The following ADAMTSL1 variants were observed in gnomAD, a reference collection of about 807,000 sequenced individuals.
ADAMTSL1 encodes the protein ADAMTS like 1.
Under a neutral mutation model 201.8 loss-of-function variants are expected in ADAMTSL1, and 126 were observed. The ratio of observed to expected loss-of-function variants is 0.62; its 90% CI spans 0.54 to 0.72. The LOEUF is 0.72. Ranked by LOEUF, ADAMTSL1 falls within the 30% of genes least tolerant of loss-of-function variation. ADAMTSL1 has a pLI of 0.00. For synonymous variants in ADAMTSL1, 1,121 were observed against 903.4 expected (o/e 1.24, Z -4.32); for missense variants, 2,679 against 2,277.8 (o/e 1.18, Z -3.59).
chr9:18,508,513 T>C (rs1290157935), intron 2 of ADAMTSL1, among the ~76,000 whole-genome samples: 1 of 152,230 alleles, frequency 6.6e-6, no homozygotes, highest in East Asian at 1.9e-4. Flanking sequence ...ATCTTTTAAG[T>C]TGTCAAGCAC....
chr9:18,653,529 A>G (rs1424945713), intron 7 of ADAMTSL1, among the ~76,000 whole-genome samples: 1 of 151,630 alleles, frequency 6.6e-6, no homozygotes, highest in Non-Finnish European at 1.5e-5. Context: ...GAATGCTGGC[A>G]CTTTTGGGAG....
intron 2 of ADAMTSL1, among the ~76,000 whole-genome samples, chr9:18,190,378 G>A (rs1828922695): frequency 6.6e-6 from 1 of 152,164 alleles, no homozygotes; most frequent in Non-Finnish European, 1.5e-5. Context: ...TTTATTCCAT[G>A]GAAGTCACTT....
chr9:18,157,656 A>G (rs74906603), intron 1 of ADAMTSL1, among the ~76,000 whole-genome samples: 2,331 of 152,148 alleles, frequency 0.015, 58 homozygotes, highest in African/African-American at 0.053. Flanking sequence ...TTATCTTTAC[A>G]ATCCTTAGAA....
chr9:18,225,941 T>C (rs1221220001), intron 2 of ADAMTSL1, among the ~76,000 whole-genome samples: 2 of 152,238 alleles, frequency 1.3e-5, no homozygotes, highest in Admixed American at 6.5e-5. Context: ...TTTTTTTCTG[T>C]GTAATTATTT....
chr9:18,703,933 T>C (rs1420745835), intron 13 of ADAMTSL1, among the ~76,000 whole-genome samples: 2 of 151,712 alleles, frequency 1.3e-5, no homozygotes, highest in Non-Finnish European at 2.9e-5. Context: ...ATATTCTAGA[T>C]CTTATCTGGG....
At chr9:18,821,956 A>G (rs1338420732) in intron 21 of ADAMTSL1, among the ~76,000 whole-genome samples, 1 of 152,170 alleles carries the variant, frequency 6.6e-6, no homozygotes, top group East Asian at 1.9e-4. Flanking sequence ...AAGGCACTGG[A>G]CCTTGTAATC....
At chr9:18,294,432 G>A (rs1365918893) in intron 2 of ADAMTSL1, among the ~76,000 whole-genome samples, 2 of 152,178 alleles carry the variant, frequency 1.3e-5, no homozygotes, top group African/African-American at 2.4e-5. Flanking sequence ...CCAAAATCTT[G>A]CCCAGGTTCT....
rs111422954 is a variant in ADAMTSL1, at chr9:18,737,783, G to A, written c.2007-15515G>A. On this transcript the variant is annotated intron_variant, in intron 15 of 28. Transcript: ENST00000380548. ...CAACTTGTCCAAATAGACACTGGCTGGCAAAGCTCAAAGCCTGAAAAGTAA... is the reference window on the plus strand; with the variant it reads ...CAACTTGTCCAAATAGACACTGGCTAGCAAAGCTCAAAGCCTGAAAAGTAA... Among the ~76,000 whole-genome samples, 105 of 152,312 alleles carry A rather than the reference G, an allele frequency of 6.9e-4. 1 individual carries two copies. Among genetic ancestry groups the A allele is most frequent in the African/African-American group, 2.4e-3 (101 of 41,576 alleles).
intron 2 of ADAMTSL1, among the ~76,000 whole-genome samples, chr9:18,442,135 A>G (rs945819260): frequency 2.0e-5 from 3 of 152,246 alleles, no homozygotes; most frequent in African/African-American, 7.2e-5. Flanking sequence ...AATTCAAAAT[A>G]TCTTCTGAAG....
intron 16 of ADAMTSL1, among the ~76,000 whole-genome samples, chr9:18,759,292 C>T (rs1012279130): frequency 2.0e-5 from 3 of 152,028 alleles, no homozygotes; most frequent in African/African-American, 7.3e-5. Context: ...GAGAGGAGTC[C>T]CTGCTAGTGA....
chr9:18,355,311 T>C (rs1172202849), intron 2 of ADAMTSL1, among the ~76,000 whole-genome samples: 1 of 152,148 alleles, frequency 6.6e-6, no homozygotes, highest in African/African-American at 2.4e-5. Context: ...AGTATATATA[T>C]TTAAATTTTT....
chr9:18,135,683 A>G (rs897360921), intron 1 of ADAMTSL1, among the ~76,000 whole-genome samples: 1 of 152,146 alleles, frequency 6.6e-6, no homozygotes, highest in Admixed American at 6.6e-5. Context: ...TGTGTATACC[A>G]TATGCATGTA....
chr9:18,195,336 C>T lies in ADAMTSL1; in HGVS notation c.207+31355C>T, dbSNP rs144981620. On this transcript the variant is annotated intron_variant, in intron 2 of 29. Coordinates refer to the ADAMTSL1 transcript ENST00000680146. The stretch of plus-strand genomic sequence containing the variant: ...TGGTGGCAAGGATCAAAACTGCCTC[C>T]GGGAAGGCCATCTGTGTGCCAGGCT... Among the ~76,000 whole-genome samples the T allele has an allele frequency of 4.7e-3, 708 of 152,166 alleles. 7 individuals carry two copies. The highest frequency in any genetic ancestry group is 0.015 in the African/African-American group (626 of 41,518).
chr9:18,358,774 G>T (rs1464930641), intron 2 of ADAMTSL1, among the ~76,000 whole-genome samples: 1 of 151,990 alleles, frequency 6.6e-6, no homozygotes, highest in Non-Finnish European at 1.5e-5. Flanking sequence ...TCCATTCATT[G>T]TTTGATAGAC....
At chr9:18,082,434 C>T (rs1464899752) in intron 1 of ADAMTSL1, among the ~76,000 whole-genome samples, 2 of 152,140 alleles carry the variant, frequency 1.3e-5, no homozygotes, top group Non-Finnish European at 2.9e-5. Context: ...GCCTCAGCCT[C>T]CCGAGTAGCT....
chr9:18,490,604 T>A (rs767347143), intron 1 of ADAMTSL1, among the ~76,000 whole-genome samples: 2 of 151,966 alleles, frequency 1.3e-5, no homozygotes, highest in African/African-American at 2.4e-5. Flanking sequence ...GTGAGGAAAG[T>A]GGATAAGATC....
intron 2 of ADAMTSL1, among the ~76,000 whole-genome samples, chr9:18,525,532 G>A (rs1191390706): frequency 6.6e-6 from 1 of 152,122 alleles, no homozygotes; most frequent in Non-Finnish European, 1.5e-5. Context: ...TAATTGTGAT[G>A]TTAGGGTGTC....
At chr9:18,655,816 A>AAAAAAAAAAAAAAAT in intron 7 of ADAMTSL1, among the ~76,000 whole-genome samples, 1 of 80,306 alleles carries the variant, frequency 1.2e-5, no homozygotes, top group Non-Finnish European at 3.4e-5. Context: ...TAAAAAAAAA[A>AAAAAAAAAAAAAAAT]AAAAAAAAAA....
At chr9:18,205,726 C>G (rs561453285) in intron 2 of ADAMTSL1, among the ~76,000 whole-genome samples, 1 of 152,108 alleles carries the variant, frequency 6.6e-6, no homozygotes, top group South Asian at 2.1e-4. Context: ...AACTCATAGT[C>G]TCATGAGATT....
Sources: allele counts gnomAD v4.1 joint callset (sites outside exome capture counted in the v4.1 genomes callset), GRCh38; gene constraint gnomAD v4.1.1; transcripts MANE v1.5; gene names NCBI Gene and HGNC (gene_info 2026-07-23, HGNC 2026-07-21).